LPP: variants seen among roughly 807,000 people sequenced by gnomAD.
LPP encodes LIM domain containing preferred translocation partner in lipoma.
LPP carries 38 observed loss-of-function variants against 60.4 expected under a neutral mutation model. The ratio of observed to expected loss-of-function variants is 0.63; its 90% CI spans 0.49 to 0.83. LPP has a LOEUF of 0.83. Ranked by LOEUF, LPP falls within the 40% of genes least tolerant of loss-of-function variation. The probability of loss-of-function intolerance (pLI) is 0.00; values close to 1 mark genes in which losing one functional copy is unlikely to be tolerated. For synonymous variants in LPP, 328 were observed against 290.8 expected (o/e 1.13, Z -1.30); for missense variants, 902 against 783.6 (o/e 1.15, Z -1.80).
intron 4 of LPP, among the ~76,000 whole-genome samples, chr3:188,476,706 T>C (rs894498867): frequency 6.6e-6 from 1 of 152,186 alleles, no homozygotes; most frequent in African/African-American, 2.4e-5. Context: ...TCTAGTTAAA[T>C]AGCAGAAAAT....
At position 188,884,835 on chromosome 3, in the gene LPP, A is replaced by G. The variant is rs1770476555; in HGVS notation, c.*10356A>G. ...CACACCACGTGCATGTTGCTGCAAC[A>G]GGCATTTCCGATAGAGCCGATCCAT... On this transcript the variant is annotated 3_prime_UTR_variant, in exon 12 of 12. Coordinates refer to ENST00000617246, the MANE Select transcript of LPP (RefSeq NM_001375462.1). The G allele has an allele frequency of 4.4e-6, 1 of 226,504 alleles. No homozygotes were observed. Among genetic ancestry groups the G allele is most frequent in the Non-Finnish European group, 8.8e-6 (1 of 113,856 alleles). 14.0% of individuals were successfully genotyped at this position (226,504 alleles called of 1,614,324 possible).
At chr3:188,637,638 G>A (rs1470756416) in intron 7 of LPP, among the ~76,000 whole-genome samples, 1 of 151,934 alleles carries the variant, frequency 6.6e-6, no homozygotes, top group Non-Finnish European at 1.5e-5. Flanking sequence ...AAGAAAAAAA[G>A]AGAGAAGAAT....
intron 6 of LPP, among the ~76,000 whole-genome samples, chr3:188,550,720 G>A (rs915348273): frequency 6.6e-6 from 1 of 152,080 alleles, no homozygotes; most frequent in African/African-American, 2.4e-5. Context: ...TTAGGTTGCT[G>A]GTTAGTTAAC....
At chr3:188,804,198 G>A in intron 9 of LPP, among the ~76,000 whole-genome samples, 1 of 127,194 alleles carries the variant, frequency 7.9e-6, no homozygotes. Flanking sequence ...TTTTATTCGG[G>A]GGGAGGTTTA....
At chr3:188,166,726 G>C (rs1415442745) in intron 1 of LPP, among the ~76,000 whole-genome samples, 1 of 151,598 alleles carries the variant, frequency 6.6e-6, no homozygotes, top group Non-Finnish European at 1.5e-5. Context: ...TCTGAGTCCG[G>C]CTCTAGCTTT....
rs5855206 is a variant in LPP at position 188,563,728 on chromosome 3, G to T, written c.429+38941G>T. ...ATTGGAATTGCTTGTGTTTTTTTTTGTTTTTTTTTTGTTTTTTTGAGATTA... is the reference window on the plus strand; with the variant it reads ...ATTGGAATTGCTTGTGTTTTTTTTTTTTTTTTTTTTGTTTTTTTGAGATTA... On this transcript the variant is annotated intron_variant, in intron 6 of 11. Transcript: ENST00000617246. Among the ~76,000 whole-genome samples, 665 of 145,030 alleles carry T rather than the reference G, an allele frequency of 4.6e-3. 3 individuals are homozygous for T. The highest frequency in any genetic ancestry group is 7.0e-3 in the Non-Finnish European group (468 of 66,604).
intron 6 of LPP, among the ~76,000 whole-genome samples, chr3:188,574,730 G>A (rs1021410643): frequency 2.0e-5 from 3 of 151,908 alleles, no homozygotes; most frequent in Non-Finnish European, 4.4e-5. Flanking sequence ...TGTGTTGTGG[G>A]GGCTAAGGGG....
At chr3:188,710,271 G>A (rs1866365276) in intron 8 of LPP, 1 of 152,148 alleles carries the variant, frequency 6.6e-6, no homozygotes, top group Non-Finnish European at 1.5e-5. Flanking sequence ...TGGCAGTTTA[G>A]CTTAGCTAAA....
intron 6 of LPP, among the ~76,000 whole-genome samples, chr3:188,567,064 A>G (rs761763184): frequency 5.9e-5 from 9 of 151,956 alleles, no homozygotes; most frequent in African/African-American, 1.2e-4. Flanking sequence ...ATACTTTGCC[A>G]TGAGAATTCT....
In LPP at chr3:188,380,523, A is replaced by G. The variant is rs111621013; in HGVS notation, c.-9-25589A>G. On this transcript the variant is annotated intron_variant, in intron 3 of 11. Coordinates refer to ENST00000617246, the MANE Select transcript of LPP (RefSeq NM_001375462.1). ...TGACAGATTCCTGCCAATCAAATGG[A>G]AGACAAAGCTATCCCGAGGGTAGTT... is the stretch of plus-strand genomic sequence containing the variant. 1.4e-3 allele frequency among the ~76,000 whole-genome samples: 218 copies of G among 152,306 alleles called. 4 individuals are homozygous for G. The highest frequency in any genetic ancestry group is 4.6e-3 in the African/African-American group (192 of 41,570).
intron 3 of LPP, among the ~76,000 whole-genome samples, chr3:188,356,034 G>C (rs2150880862): frequency 6.6e-6 from 1 of 152,286 alleles, no homozygotes; most frequent in East Asian, 1.9e-4. Context: ...AAAAATTTCT[G>C]TAATTTTGCT....
chr3:188,884,837 G>C lies in LPP; in HGVS notation c.*10358G>C, dbSNP rs1166095520. The C allele has an allele frequency of 1.8e-5, 4 of 226,126 alleles. No homozygotes were observed. Among genetic ancestry groups the C allele is most frequent in the Non-Finnish European group, 2.6e-5 (3 of 113,658 alleles). 14.0% of individuals were successfully genotyped at this position (226,126 alleles called of 1,614,324 possible). ...CACCACGTGCATGTTGCTGCAACAG[G>C]CATTTCCGATAGAGCCGATCCATGA... is the stretch of plus-strand genomic sequence containing the variant. On this transcript the variant is annotated 3_prime_UTR_variant, in exon 12 of 12. Transcript: ENST00000617246.
intron 8 of LPP, among the ~76,000 whole-genome samples, chr3:188,736,032 CA>C (rs1324343617): frequency 3.3e-5 from 5 of 152,056 alleles, no homozygotes; most frequent in African/African-American, 1.2e-4. Flanking sequence ...TGTGGCTCAT[CA>C]AAAAAGTAGT....
intron 4 of LPP, among the ~76,000 whole-genome samples, chr3:188,436,748 A>G (rs1043026430): frequency 6.6e-6 from 1 of 152,170 alleles, no homozygotes; most frequent in African/African-American, 2.4e-5. Context: ...ATGAATTTTG[A>G]AAAAGAATAT....
intron 5 of LPP, among the ~76,000 whole-genome samples, chr3:188,495,082 A>ATATATATATATATATATATATATT (rs1342207321): frequency 6.2e-5 from 6 of 97,268 alleles, no homozygotes; most frequent in Admixed American, 2.6e-4. Context: ...ATATATATAT[A>ATATATATATATATATATATATATT]TTTTATTTAT....
At chr3:188,274,454 G>T (rs1043425884) in intron 2 of LPP, among the ~76,000 whole-genome samples, 9 of 152,166 alleles carry the variant, frequency 5.9e-5, no homozygotes, top group Non-Finnish European at 1.3e-4. Flanking sequence ...CTAGCCCAGT[G>T]CCAGGTAGCT....
chr3:188,690,972 C>G (rs766126187), intron 7 of LPP, among the ~76,000 whole-genome samples: 8 of 152,058 alleles, frequency 5.3e-5, no homozygotes, highest in Non-Finnish European at 1.2e-4. Flanking sequence ...CCCTTTCTTT[C>G]TTCCTTTAAG....
At chr3:188,714,382 C>T (rs1712908268) in intron 8 of LPP, among the ~76,000 whole-genome samples, 1 of 152,094 alleles carries the variant, frequency 6.6e-6, no homozygotes, top group African/African-American at 2.4e-5. Flanking sequence ...CTTAAACATC[C>T]TGAATTAACT....
At chr3:188,379,221 C>T (rs915190655) in intron 3 of LPP, among the ~76,000 whole-genome samples, 1 of 152,050 alleles carries the variant, frequency 6.6e-6, no homozygotes, top group Non-Finnish European at 1.5e-5. Flanking sequence ...AGCCACAAAA[C>T]TAACCAAAAG....
Sources: gnomAD v4.1 joint callset for allele counts (sites outside exome capture counted in the v4.1 genomes callset) on GRCh38, gnomAD v4.1.1 for gene constraint, MANE v1.5 for transcripts, NCBI Gene and HGNC (gene_info 2026-07-23, HGNC 2026-07-21) for gene names.